Variants in KIF13A observed in about 807,000 individuals in gnomAD.
KIF13A encodes the protein kinesin-like protein KIF13A.
KIF13A carries 79 observed loss-of-function variants against 212.2 expected under a neutral mutation model. That is an observed-to-expected ratio of 0.37 (90% confidence interval 0.31 to 0.45). The LOEUF is 0.45. KIF13A is among the 20% of genes least tolerant of loss of function. KIF13A has a pLI of 1.00. For missense variants in KIF13A, 1,901 were observed against 2,209.0 expected, an observed-to-expected ratio of 0.86 and a Z score of 2.79; for synonymous variants, 789 against 808.6, an observed-to-expected ratio of 0.98 and a Z score of 0.41.
At chr6:17,948,748 A>T (rs1777622567) in intron 2 of KIF13A, among the ~76,000 whole-genome samples, 1 of 151,506 alleles carries the variant, frequency 6.6e-6, no homozygotes, top group Non-Finnish European at 1.5e-5. Context: ...TTTTGTAGAG[A>T]TGGGGTTTCA....
chr6:17,771,666 A>T lies in KIF13A; in HGVS notation c.4476+242T>A. 1 of 421,416 alleles carries T rather than the reference A, an allele frequency of 2.4e-6. No individual in the cohort carries two copies. The highest frequency in any genetic ancestry group is 4.2e-6 in the Non-Finnish European group (1 of 237,216). The allele number at this position is 421,416 out of a possible 1,614,324, so 26.1% of individuals were successfully genotyped here. On this transcript the variant is annotated intron_variant, in intron 37 of 38. Coordinates refer to ENST00000259711, the MANE Select transcript of KIF13A (RefSeq NM_022113.6). This position sits in a 1 kb window ranked among gnomAD's most constrained non-coding sequence, Gnocchi z 5.4. ...ACCTAGAAAACATCTTTCTCACTTG[A>T]AACATAAAAAAATACTTTGAAAAGC... is the stretch of plus-strand genomic sequence containing the variant.
intron 4 of KIF13A, among the ~76,000 whole-genome samples, chr6:17,862,977 AAAAC>A (rs926388482): frequency 6.6e-6 from 1 of 151,714 alleles, no homozygotes. Flanking sequence ...AACAAACAAA[AAAAC>A]AAAATTAGCC....
At position 17,772,431 on chromosome 6, in the gene KIF13A, A is replaced by C. The variant is rs926436214; in HGVS notation, c.4325-372T>G. Among the ~76,000 whole-genome samples the C allele has an allele frequency of 3.9e-5, 6 of 152,094 alleles. No homozygotes were observed. Among genetic ancestry groups the C allele is most frequent in the African/African-American group, 1.4e-4 (6 of 41,408 alleles). On this transcript the variant is annotated intron_variant, in intron 36 of 38. Transcript: ENST00000259711. The surrounding 1 kb of genome is among the most constrained non-coding windows in gnomAD (Gnocchi z 4.8). ...CCCTGTCTAAAAACAAAACAAAAAA[A>C]CCCCACAAACAACAAACAACAAACA...
At chr6:17,869,986 T>C (rs1769853327) in intron 4 of KIF13A, among the ~76,000 whole-genome samples, 1 of 152,204 alleles carries the variant, frequency 6.6e-6, no homozygotes, top group Admixed American at 6.5e-5. Flanking sequence ...TATCTTAATG[T>C]TTTTATTCCC....
chr6:17,818,678 C>T (rs1256429993), intron 16 of KIF13A, among the ~76,000 whole-genome samples: 3 of 152,154 alleles, frequency 2.0e-5, no homozygotes, highest in Non-Finnish European at 4.4e-5. Flanking sequence ...GTGTGGATAT[C>T]ATCCCGATTT....
chr6:17,835,195 CAAAAAAAAAAAAAAAAA>C lies in KIF13A; in HGVS notation c.1156-1141_1156-1125del, dbSNP rs61697144. On this transcript the variant is annotated intron_variant, in intron 11 of 38. Coordinates refer to ENST00000259711, the MANE Select transcript of KIF13A (RefSeq NM_022113.6). ...AGAGACTCTGTCCACCCGCCCCCGC[CAAAAAAAAAAAAAAAAA>C]AAAAAAAAAAAAAAAAAAAAAAAAA... 9.4e-3 allele frequency among the ~76,000 whole-genome samples: 432 copies of C among 45,862 alleles called. 1 individual carries two copies. The highest frequency in any genetic ancestry group is 0.016 in the East Asian group (16 of 1,024). 30.1% of individuals were successfully genotyped at this position (45,862 alleles called of 152,430 possible). A position where few individuals can be genotyped will look rare whatever the true frequency, so the allele number is the denominator to read the frequency against.
chr6:17,929,072 A>AC lies in KIF13A; in HGVS notation c.147-30893_147-30892insG, dbSNP rs1262870416. Among the ~76,000 whole-genome samples the AC allele has an allele frequency of 1.4e-4, 20 of 147,034 alleles. No homozygotes were observed. In the South Asian group the frequency reaches 2.9e-3, roughly 22 times the overall value. ...AAAAGAATTTCTCAAAAAAAAAAAA[A>AC]AAAAAAAAAAACAAAGGAGCTCTTT... On this transcript the variant is annotated intron_variant, in intron 2 of 38. Transcript: ENST00000259711.
At chr6:17,857,298 T>C (rs1173783033) in intron 4 of KIF13A, among the ~76,000 whole-genome samples, 1 of 152,206 alleles carries the variant, frequency 6.6e-6, no homozygotes, top group African/African-American at 2.4e-5. Flanking sequence ...TGAATTGTAA[T>C]CCCCACGTGT....
rs752311361 is a variant in KIF13A, at chr6:17,831,220, G to C, written c.1282C>G (p.Leu428Val). The C allele has an allele frequency of 6.2e-7, 1 of 1,612,478 alleles. No individual in the cohort carries two copies. Among genetic ancestry groups the C allele is most frequent in the Non-Finnish European group, 8.5e-7 (1 of 1,179,478 alleles). Residue 428 changes from leucine (L) to valine (V), a missense_variant, in exon 13 of 39, where the codon CTT becomes GTT. Transcript: ENST00000259711. Reference sequence around the variant, plus strand: ...TCCAGGGAAATCCCCATGCTTTCAAGTTGTCGTTGTCTTTCCTGTGCACAA... The same window carrying C: ...TCCAGGGAAATCCCCATGCTTTCAACTTGTCGTTGTCTTTCCTGTGCACAA... ...EEIAQERQRQ[L>V]ESMGISLEMS...
rs1029447300 is a variant in KIF13A at position 17,872,679 on chromosome 6, G to A, written c.220+698C>T. Reference sequence around the variant, plus strand: ...ATTTTTTTGAGACAGAGTCTCACTCGGTCACCTAGGCTGTGGTGGGACCTC... The same window carrying A: ...ATTTTTTTGAGACAGAGTCTCACTCAGTCACCTAGGCTGTGGTGGGACCTC... On this transcript the variant is annotated intron_variant, in intron 4 of 38. Coordinates refer to ENST00000259711, the MANE Select transcript of KIF13A (RefSeq NM_022113.6). The surrounding 1 kb of genome is among the most constrained non-coding windows in gnomAD (Gnocchi z 4.7). Among the ~76,000 whole-genome samples the A allele has an allele frequency of 2.0e-5, 3 of 151,794 alleles. No individual in the cohort carries two copies. Among genetic ancestry groups the A allele is most frequent in the Non-Finnish European group, 4.4e-5 (3 of 67,998 alleles).
chr6:17,888,910 TC>T lies in KIF13A; in HGVS notation c.159+9257del, dbSNP rs1337729062. 6.6e-6 allele frequency among the ~76,000 whole-genome samples: 1 copy of T among 152,144 alleles called. No individual in the cohort carries two copies. The highest frequency in any genetic ancestry group is 2.4e-5 in the African/African-American group (1 of 41,436). On this transcript the variant is annotated intron_variant, in intron 3 of 38. Transcript: ENST00000259711. The surrounding 1 kb of genome is among the most constrained non-coding windows in gnomAD (Gnocchi z 4.8). The stretch of plus-strand genomic sequence containing the variant: ...ACCAAATATATAAAAAATCTTATAT[TC>T]TTTTTCTTTCTTGTACCAAGTCTTC...
Position 17,787,824 on chromosome 6 carries a change from G to A in KIF13A, c.3313C>T (p.Arg1105Ter). 2.5e-6 allele frequency: 4 copies of A among 1,613,446 alleles called. No homozygotes were observed. The highest frequency in any genetic ancestry group is 3.4e-6 in the Non-Finnish European group (4 of 1,179,430). Reference sequence around the variant, plus strand: ...ATCTGTTCATCCAGGTATTCTCGTCGTTTAATGAGTGCATCTGACCACCTC... The same window carrying A: ...ATCTGTTCATCCAGGTATTCTCGTCATTTAATGAGTGCATCTGACCACCTC... ...RERWSDALIKRREYLDEQIKK... is the reference protein window; with the variant it reads ...RERWSDALIK The change falls in exon 27 of 39, where the codon CGA (arginine) becomes TGA (stop). Residue 1105 changes from arginine to a stop codon, truncating the protein, a stop_gained. Coordinates refer to ENST00000259711, the MANE Select transcript of KIF13A (RefSeq NM_022113.6). LOFTEE classifies it high-confidence loss of function. The surrounding 1 kb of genome is among the most constrained non-coding windows in gnomAD (Gnocchi z 4.6).
chr6:17,940,382 C>G (rs1776858005), intron 2 of KIF13A, among the ~76,000 whole-genome samples: 1 of 152,168 alleles, frequency 6.6e-6, no homozygotes, highest in Non-Finnish European at 1.5e-5. Context: ...TGCTGATCCA[C>G]AAGGGATTCG....
At position 17,789,796 on chromosome 6, in the gene KIF13A, T is replaced by A. The variant is rs1761380270; in HGVS notation, c.3261+76A>T. 1 of 1,268,142 alleles carries A rather than the reference T, an allele frequency of 7.9e-7. No individual in the cohort carries two copies. The highest frequency in any genetic ancestry group is 1.2e-5 in the South Asian group (1 of 80,172). The allele number at this position is 1,268,142 out of a possible 1,614,324, so 78.6% of individuals were successfully genotyped here. On this transcript the variant is annotated intron_variant, in intron 26 of 38. Transcript: ENST00000259711. This position sits in a 1 kb window ranked among gnomAD's most constrained non-coding sequence, Gnocchi z 4.8. ...CTCTAGGGCCCTCCTTCCTCCTCCC[T>A]GGCCTCTGCTTTGCGAATGCTGGCA... is the stretch of plus-strand genomic sequence containing the variant.
At chr6:17,814,097 C>T (rs1333720734) in intron 17 of KIF13A, among the ~76,000 whole-genome samples, 2 of 150,428 alleles carry the variant, frequency 1.3e-5, no homozygotes, top group African/African-American at 2.5e-5. Context: ...GGACTACAGG[C>T]GCCCGCCACC....
intron 3 of KIF13A, among the ~76,000 whole-genome samples, chr6:17,884,575 G>T (rs1771371414): frequency 6.6e-6 from 1 of 152,218 alleles, no homozygotes; most frequent in Admixed American, 6.5e-5. Context: ...TGTGGGAGTT[G>T]CTACAGACTG....
In KIF13A at chr6:17,947,619, A is replaced by T. The variant is rs569082294; in HGVS notation, c.146+39435T>A. 6.6e-6 allele frequency among the ~76,000 whole-genome samples: 1 copy of T among 152,180 alleles called. No homozygotes were observed. The highest frequency in any genetic ancestry group is 1.5e-5 in the Non-Finnish European group (1 of 68,028). On this transcript the variant is annotated intron_variant, in intron 2 of 38. Transcript: ENST00000259711. This position sits in a 1 kb window ranked among gnomAD's most constrained non-coding sequence, Gnocchi z 4.6. ...CGAGGTGGGTGGATCACCTGAGGTC[A>T]GGAGTTTGAGACCAGCCGACCAGCC... is the stretch of plus-strand genomic sequence containing the variant.
At chr6:17,881,589 C>T (rs1319645717) in intron 3 of KIF13A, 11 of 373,322 alleles carry the variant, frequency 2.9e-5, no homozygotes, top group South Asian at 8.0e-5. Context: ...CCCAGCTACT[C>T]GGAAGGCTGA....
chr6:17,932,667 C>T (rs1776098458), intron 2 of KIF13A, among the ~76,000 whole-genome samples: 1 of 152,264 alleles, frequency 6.6e-6, no homozygotes, highest in South Asian at 2.1e-4. Context: ...TTCTCCCCAC[C>T]CCACCACAGC....
Sources: gnomAD v4.1 joint callset for allele counts (sites outside exome capture counted in the v4.1 genomes callset) on GRCh38, gnomAD v4.1.1 for gene constraint, Gnocchi (gnomAD v3.1) non-coding constraint, MANE v1.5 for transcripts, NCBI Gene and HGNC (gene_info 2026-07-23, HGNC 2026-07-21) for gene names.